MTBP: variants seen among roughly 807,000 people sequenced by gnomAD.
MTBP encodes the protein MDM2 binding protein.
In MTBP, 101 loss-of-function variants were observed where a neutral mutation model predicts 117.0. The observed-to-expected ratio is 0.86, with a 90% CI of 0.73 to 1.02. MTBP has a LOEUF of 1.02. Among genes scored for constraint, MTBP ranks in the 50% least tolerant of loss-of-function variants. The pLI is 0.00. For missense variants in MTBP, 970 were observed against 1,030.9 expected, an observed-to-expected ratio of 0.94 and a Z score of 0.81; for synonymous variants, 350 against 351.5, an observed-to-expected ratio of 1.00 and a Z score of 0.05.
At chr8:120,492,155 C>A (rs888267199) in intron 13 of MTBP, among the ~76,000 whole-genome samples, 4 of 152,128 alleles carry the variant, frequency 2.6e-5, no homozygotes, top group Admixed American at 6.5e-5. Context: ...GGCCAATTTG[C>A]GATCAGAAGC....
In MTBP at chr8:120,509,989, C is replaced by G. The variant is rs1814766837; in HGVS notation, c.1939C>G (p.Pro647Ala). 1 of 1,612,290 alleles carries G rather than the reference C, an allele frequency of 6.2e-7. No homozygotes were observed. Among genetic ancestry groups the G allele is most frequent in the Non-Finnish European group, 8.5e-7 (1 of 1,179,168 alleles). The change falls in exon 17 of 22, where the codon CCT (proline) becomes GCT (alanine). Residue 647 changes from proline to alanine, a missense_variant. Transcript: ENST00000305949. ...ELSPGKLQVL[P>A]FEKASVCHYH... ...TAGTCCTGGGAAACTTCAGGTCTTA[C>G]CTTTTGAGAAAGCCTCAGTATGTCA...
intron 2 of MTBP, among the ~76,000 whole-genome samples, chr8:120,447,852 G>A (rs1813259948): frequency 1.1e-5 from 1 of 92,922 alleles, no homozygotes; most frequent in Admixed American, 1.1e-4. Context: ...CGTAACTTAT[G>A]ATACAGAATG....
intron 6 of MTBP, 54 bp from the exon 7 acceptor site, chr8:120,456,499 A>G: frequency 9.0e-7 from 1 of 1,109,584 alleles, no homozygotes; most frequent in Non-Finnish European, 1.3e-6. Context: ...TATAATGATT[A>G]AATCAGTGAA....
At chr8:120,473,221 A>G (rs1405550034) in intron 11 of MTBP, 1 of 152,028 alleles carries the variant, frequency 6.6e-6, no homozygotes. Flanking sequence ...TGTTATTTTT[A>G]AATTTTTTTT....
At chr8:120,449,731 G>A (rs550634165) in intron 2 of MTBP, among the ~76,000 whole-genome samples, 1 of 152,250 alleles carries the variant, frequency 6.6e-6, no homozygotes, top group Non-Finnish European at 1.5e-5. Flanking sequence ...TGCCACAGAA[G>A]CCAAGTGTTT....
intron 11 of MTBP, among the ~76,000 whole-genome samples, chr8:120,485,573 G>T (rs373601342): frequency 2.6e-5 from 4 of 151,830 alleles, no homozygotes; most frequent in Non-Finnish European, 5.9e-5. Context: ...TTCTTTAAAC[G>T]TATTTATAAT....
rs1814912397 is a variant in MTBP, at chr8:120,516,057, T to A, written c.2112T>A (p.Pro704=). The A allele has an allele frequency of 1.2e-6, 2 of 1,613,104 alleles. No individual in the cohort carries two copies. Among genetic ancestry groups the A allele is most frequent in the South Asian group, 2.2e-5 (2 of 91,062 alleles). The change falls in exon 18 of 22, where the codon CCT becomes CCA. Residue 704 remains proline, a synonymous_variant. Coordinates refer to ENST00000305949, the MANE Select transcript of MTBP (RefSeq NM_022045.5). ...TTCCAGTACCTACTGTGTTGAGCCC[T>A]CTTCCATCTCCTGTAGTTTCGTCAG... ...ESFPVPTVLS[P]LPSPVVSSDP...
chr8:120,453,714 A>C (rs1472949308), intron 4 of MTBP, 133 bp from the exon 5 acceptor site: 2 of 412,894 alleles, frequency 4.8e-6, no homozygotes, highest in Non-Finnish European at 8.7e-6. Context: ...TGTCATAAAG[A>C]TCAAATGAGA....
Position 120,463,751 on chromosome 8 carries a change from T to C in MTBP, c.1037T>C (p.Leu346Pro). 1 of 1,612,216 alleles carries C rather than the reference T, an allele frequency of 6.2e-7. No individual in the cohort carries two copies. Among genetic ancestry groups the C allele is most frequent in the Non-Finnish European group, 8.5e-7 (1 of 1,178,798 alleles). Residue 346 changes from leucine to proline, a missense_variant, in exon 10 of 22, where the codon CTG (leucine) becomes CCG (proline). Transcript: ENST00000305949. ...SVLLLEQISS[L>P]CSKVGALFVL... ...TTGCTGTTGGAGCAGATTTCTTCTC[T>C]GTGTAGCAAGGTATTGAGGGTTTCT...
In MTBP at chr8:120,497,610, T is replaced by A. The variant is rs183626318; in HGVS notation, c.1609+56T>A. On this transcript the variant is annotated intron_variant, in intron 14 of 21. Transcript: ENST00000305949. ...CGTGTGTGTGTGGCAACTATGACAT[T>A]TATTATTAAAACTTATAAAATGTAT... 1.2e-3 allele frequency: 1,224 copies of A among 1,057,636 alleles called. 13 individuals carry two copies. In the African/African-American group the frequency reaches 0.017, roughly 15 times the overall value. 65.5% of individuals were successfully genotyped at this position (1,057,636 alleles called of 1,614,324 possible).
At chr8:120,475,085 T>C (rs1813905354) in intron 11 of MTBP, among the ~76,000 whole-genome samples, 1 of 151,172 alleles carries the variant, frequency 6.6e-6, no homozygotes, top group Non-Finnish European at 1.5e-5. Flanking sequence ...CTAATGGAGC[T>C]TACTTTATGG....
intron 1 of MTBP, 33 bp downstream of exon 1, chr8:120,445,621 C>T: frequency 6.5e-7 from 1 of 1,539,146 alleles, no homozygotes; most frequent in Non-Finnish European, 8.9e-7. Flanking sequence ...GCGGGAACGG[C>T]TTGTGGAGAG....
chr8:120,517,821 C>T (rs13258768), intron 18 of MTBP, 30 bp from the exon 19 acceptor site: 1,015,053 of 1,582,710 alleles, frequency 0.64, 334,069 homozygotes, highest in Non-Finnish European at 0.68. Flanking sequence ...GCTTAATCTA[C>T]GTTCTTGATT....
intron 18 of MTBP, among the ~76,000 whole-genome samples, chr8:120,516,565 C>A (rs1183498935): frequency 3.9e-5 from 6 of 151,900 alleles, no homozygotes. Context: ...TGCATTGTTC[C>A]CTTGAGCAAG....
At chr8:120,462,481 T>C (rs928330174) in intron 9 of MTBP, among the ~76,000 whole-genome samples, 11 of 152,122 alleles carry the variant, frequency 7.2e-5, no homozygotes, top group African/African-American at 4.8e-5. Context: ...GTTCGGGTAG[T>C]TGGAGTGGTA....
intron 11 of MTBP, among the ~76,000 whole-genome samples, chr8:120,476,755 A>G (rs1259558783): frequency 2.0e-5 from 3 of 152,176 alleles, no homozygotes; most frequent in African/African-American, 4.8e-5. Flanking sequence ...ATAAGAGAGG[A>G]CACAAACAAA....
intron 15 of MTBP, 30 bp from the exon 16 acceptor site, chr8:120,506,676 T>C (rs774708385): frequency 5.3e-6 from 8 of 1,522,878 alleles, no homozygotes; most frequent in Admixed American, 2.2e-5. Context: ...AATCCACTTT[T>C]AATAAATCTG....
At position 120,515,961 on chromosome 8, in the gene MTBP, T is replaced by G; in HGVS notation, c.2016T>G (p.Asp672Glu). ...ATGACCGAAAAGCTTTGGAAAGAGA[T>G]GGAGGATTTTCTGAACTTCAGTCTC... The part of the protein sequence containing the change: ...CLDDRKALER[D>E]GGFSELQSRL... The change falls in exon 18 of 22, where the codon GAT becomes GAG. Residue 672 changes from aspartate (D) to glutamate (E), a missense_variant. Coordinates refer to ENST00000305949, the MANE Select transcript of MTBP (RefSeq NM_022045.5). 1 of 1,612,724 alleles carries G rather than the reference T, an allele frequency of 6.2e-7. No homozygotes were observed. The highest frequency in any genetic ancestry group is 8.5e-7 in the Non-Finnish European group (1 of 1,179,082).
chr8:120,496,797 T>C (rs1489684823), intron 13 of MTBP, among the ~76,000 whole-genome samples: 3 of 152,196 alleles, frequency 2.0e-5, no homozygotes, highest in African/African-American at 7.2e-5. Flanking sequence ...TTCTGACTTC[T>C]TGTGCTATAT....
Sources: gnomAD v4.1 joint callset for allele counts (sites outside exome capture counted in the v4.1 genomes callset) on GRCh38, gnomAD v4.1.1 for gene constraint, MANE v1.5 for transcripts, NCBI Gene and HGNC (gene_info 2026-07-23, HGNC 2026-07-21) for gene names.